The following PDE3B variants were observed in gnomAD, a reference collection of about 807,000 sequenced individuals.
The protein encoded by PDE3B is phosphodiesterase 3B.
Under a neutral mutation model 116.8 loss-of-function variants are expected in PDE3B, and 66 were observed. The observed-to-expected ratio is 0.56, with a 90% confidence interval of 0.46 to 0.69. PDE3B has a LOEUF of 0.69. Among genes scored for constraint, PDE3B ranks in the 30% least tolerant of loss-of-function variants. The probability of loss-of-function intolerance (pLI) is 0.00; values close to 1 mark genes in which losing one functional copy is unlikely to be tolerated. For synonymous variants in PDE3B, 595 were observed against 533.6 expected (o/e 1.12, Z -1.59); for missense variants, 1,384 against 1,368.1 (o/e 1.01, Z -0.18).
At chr11:14,691,964 T>G (rs1855051427) in intron 1 of PDE3B, among the ~76,000 whole-genome samples, 1 of 152,154 alleles carries the variant, frequency 6.6e-6, no homozygotes, top group Non-Finnish European at 1.5e-5. Flanking sequence ...CCTTCTGAAA[T>G]TATTGATTTA....
In PDE3B at chr11:14,644,314, T is replaced by C. The variant is rs1248313666; in HGVS notation, c.239T>C (p.Leu80Pro). ...RRCSPFCRAR[L>P]SLGALAAFVL... ...TGCTCCCCCTTCTGCCGGGCGCGCCTCTCGCTGGGCGCCCTGGCTGCCTTT... is the reference window on the plus strand; with the variant it reads ...TGCTCCCCCTTCTGCCGGGCGCGCCCCTCGCTGGGCGCCCTGGCTGCCTTT... Residue 80 changes from leucine (L) to proline (P), a missense_variant, in exon 1 of 16, where the codon CTC becomes CCC. Around this residue, in one of 2 missense-constraint regions of PDE3B, gnomAD observed 956 missense variants for 806.8 expected, o/e 1.18. Coordinates refer to ENST00000282096, the MANE Select transcript of PDE3B (RefSeq NM_000922.4). The C allele has an allele frequency of 2.6e-6, 4 of 1,566,970 alleles. No homozygotes were observed. Among genetic ancestry groups the C allele is most frequent in the Non-Finnish European group, 3.4e-6 (4 of 1,162,750 alleles).
chr11:14,653,108 T>A (rs1853612382), intron 1 of PDE3B, among the ~76,000 whole-genome samples: 2 of 152,234 alleles, frequency 1.3e-5, no homozygotes, highest in Non-Finnish European at 2.9e-5. Flanking sequence ...GCAACTGATT[T>A]GTATGTGTTG....
At chr11:14,885,340 C>T in the PDE3B span, among the ~76,000 whole-genome samples, 3 of 152,100 alleles carry the variant, frequency 2.0e-5, no homozygotes, top group Non-Finnish European at 4.4e-5. Context: ...ACAAACCATG[C>T]AACTCTATAC....
At chr11:14,698,624 C>G (rs1279249509) in intron 1 of PDE3B, among the ~76,000 whole-genome samples, 1 of 151,912 alleles carries the variant, frequency 6.6e-6, no homozygotes, top group Non-Finnish European at 1.5e-5. Flanking sequence ...TAGGCTTATG[C>G]TGGCCTCACA....
chr11:14,847,594 C>T (rs1013806037), intron 12 of PDE3B, among the ~76,000 whole-genome samples: 23 of 151,640 alleles, frequency 1.5e-4, no homozygotes, highest in Non-Finnish European at 2.6e-4. Context: ...AGACCGCTAG[C>T]AAGACTAATA....
intron 5 of PDE3B, 149 bp from the exon 6 acceptor site, chr11:14,818,034 A>C (rs913898684): frequency 1.7e-6 from 1 of 604,042 alleles, no homozygotes; most frequent in Non-Finnish European, 2.9e-6. Flanking sequence ...GAATATTGTG[A>C]GGCCCCATGC....
At chr11:14,686,240 A>G (rs191523609) in intron 1 of PDE3B, among the ~76,000 whole-genome samples, 95 of 152,324 alleles carry the variant, frequency 6.2e-4, no homozygotes, top group Non-Finnish European at 1.1e-3. Context: ...TTCGAATTCT[A>G]CAAATCTCTT....
intron 1 of PDE3B, among the ~76,000 whole-genome samples, chr11:14,758,001 C>T (rs1019364482): frequency 2.2e-4 from 34 of 151,758 alleles, no homozygotes; most frequent in Non-Finnish European, 3.8e-4. Context: ...GGAAGGGATC[C>T]GGTTTCAGCT....
intron 1 of PDE3B, among the ~76,000 whole-genome samples, chr11:14,682,292 A>G (rs556215462): frequency 1.3e-5 from 2 of 152,210 alleles, no homozygotes; most frequent in Non-Finnish European, 2.9e-5. Context: ...TTGTCTGTCA[A>G]TAGGACAGTT....
intron 10 of PDE3B, among the ~76,000 whole-genome samples, chr11:14,834,705 A>T (rs1859999314): frequency 6.6e-6 from 1 of 152,250 alleles, no homozygotes; most frequent in Admixed American, 6.5e-5. Context: ...TGAAAGCCAG[A>T]AAATAGCCAC....
chr11:14,761,964 A>T (rs978023814), intron 1 of PDE3B, among the ~76,000 whole-genome samples: 12 of 151,818 alleles, frequency 7.9e-5, no homozygotes, highest in Non-Finnish European at 1.8e-4. Context: ...CTTTTTTGTT[A>T]ATTTTCTTTA....
chr11:14,743,252 C>A (rs973213692), intron 1 of PDE3B, among the ~76,000 whole-genome samples: 17 of 152,152 alleles, frequency 1.1e-4, no homozygotes, highest in African/African-American at 3.9e-4. Context: ...TTCAGAGATA[C>A]CCTGCCCAGA....
chr11:14,683,956 T>C (rs1057184072), intron 1 of PDE3B, among the ~76,000 whole-genome samples: 2 of 152,226 alleles, frequency 1.3e-5, no homozygotes, highest in Non-Finnish European at 2.9e-5. Context: ...ATTTAATTTC[T>C]AGTGTTTGGA....
At chr11:14,742,769 G>A (rs1856807007) in intron 1 of PDE3B, among the ~76,000 whole-genome samples, 2 of 152,044 alleles carry the variant, frequency 1.3e-5, no homozygotes, top group South Asian at 4.2e-4. Context: ...GGGTCTTTGA[G>A]TGGACATGCG....
chr11:14,846,879 A>C (rs1426869383), intron 12 of PDE3B, among the ~76,000 whole-genome samples: 1 of 152,204 alleles, frequency 6.6e-6, no homozygotes. Context: ...AGACTCCCAC[A>C]CAATAATAAT....
intron 14 of PDE3B, among the ~76,000 whole-genome samples, chr11:14,864,903 G>A (rs559964170): frequency 1.1e-3 from 161 of 152,112 alleles, no homozygotes; most frequent in African/African-American, 3.8e-3. Context: ...ATCTAAAATC[G>A]ACACCCTAAC....
chr11:14,706,477 T>C (rs1019173629), intron 1 of PDE3B, among the ~76,000 whole-genome samples: 1 of 151,868 alleles, frequency 6.6e-6, no homozygotes, highest in Admixed American at 6.6e-5. Flanking sequence ...CAATAATATG[T>C]TGAAAGGATT....
intron 12 of PDE3B, among the ~76,000 whole-genome samples, chr11:14,845,048 T>A (rs1847565991): frequency 6.6e-6 from 1 of 152,154 alleles, no homozygotes. Context: ...AGTGGGTCCC[T>A]GACCCCTGAC....
intron 1 of PDE3B, among the ~76,000 whole-genome samples, chr11:14,669,740 A>T (rs1854309258): frequency 6.6e-6 from 1 of 151,562 alleles, no homozygotes; most frequent in African/African-American, 2.4e-5. Flanking sequence ...CGATAGCACT[A>T]CCATTTTTTT....
Sources: allele counts gnomAD v4.1 joint callset (sites outside exome capture counted in the v4.1 genomes callset), GRCh38; gene constraint gnomAD v4.1.1; regional missense constraint gnomAD v4.1.1; transcripts MANE v1.5; gene names NCBI Gene and HGNC (gene_info 2026-07-23, HGNC 2026-07-21).